NRG3: variants seen among roughly 807,000 people sequenced by gnomAD.
The protein encoded by NRG3 is neuregulin 3.
NRG3 carries 31 observed loss-of-function variants against 66.9 expected under a neutral mutation model. That is an observed-to-expected ratio of 0.46 (90% confidence interval 0.35 to 0.63). NRG3 has a LOEUF of 0.63. Among genes scored for constraint, NRG3 ranks in the 20% least tolerant of loss-of-function variants. NRG3 has a pLI of 0.00. For missense variants in NRG3, 910 were observed against 878.9 expected, an observed-to-expected ratio of 1.04 and a Z score of -0.45; for synonymous variants, 393 against 359.4, an observed-to-expected ratio of 1.09 and a Z score of -1.06.
intron 4 of NRG3, among the ~76,000 whole-genome samples, chr10:82,937,061 C>T (rs2132225274): frequency 6.6e-6 from 1 of 152,194 alleles, no homozygotes; most frequent in Non-Finnish European, 1.5e-5. Context: ...GACTCTGTAC[C>T]TGAAACTAAT....
At chr10:81,957,215 C>T (rs1424721431) in intron 1 of NRG3, among the ~76,000 whole-genome samples, 1 of 152,122 alleles carries the variant, frequency 6.6e-6, no homozygotes, top group Non-Finnish European at 1.5e-5. Flanking sequence ...TGTCCATCAA[C>T]CAGGAACGCC....
chr10:82,178,077 G>A (rs934938589), intron 1 of NRG3, among the ~76,000 whole-genome samples: 1 of 151,754 alleles, frequency 6.6e-6, no homozygotes, highest in African/African-American at 2.4e-5. Context: ...AATATGAGAA[G>A]ACTTTTAAAA....
intron 2 of NRG3, among the ~76,000 whole-genome samples, chr10:82,681,689 A>G (rs1379727333): frequency 6.6e-6 from 1 of 152,238 alleles, no homozygotes; most frequent in Non-Finnish European, 1.5e-5. Flanking sequence ...TTGCTATTTA[A>G]TGGTATGTTC....
intron 1 of NRG3, among the ~76,000 whole-genome samples, chr10:82,215,214 A>G (rs994596295): frequency 1.6e-4 from 25 of 152,370 alleles, no homozygotes; most frequent in African/African-American, 6.0e-4. Flanking sequence ...ATTTAATAAT[A>G]GGTCAGATGA....
At chr10:82,914,689 G>A (rs1429423022) in intron 4 of NRG3, among the ~76,000 whole-genome samples, 1 of 151,734 alleles carries the variant, frequency 6.6e-6, no homozygotes, top group Non-Finnish European at 1.5e-5. Flanking sequence ...TCTATGATGA[G>A]AGCTCAATCC....
At chr10:81,943,517 G>T (rs1848575458) in intron 1 of NRG3, among the ~76,000 whole-genome samples, 1 of 152,160 alleles carries the variant, frequency 6.6e-6, no homozygotes, top group Non-Finnish European at 1.5e-5. Flanking sequence ...GAGAGAAAAA[G>T]ATGAAATCTT....
chr10:82,130,567 A>T (rs1437352551), intron 1 of NRG3, among the ~76,000 whole-genome samples: 3 of 152,050 alleles, frequency 2.0e-5, no homozygotes, highest in Non-Finnish European at 4.4e-5. Context: ...TAGCAGTGGG[A>T]TTGGTGGATT....
At chr10:82,016,509 C>T (rs1393194020) in intron 1 of NRG3, among the ~76,000 whole-genome samples, 1 of 152,002 alleles carries the variant, frequency 6.6e-6, no homozygotes, top group Non-Finnish European at 1.5e-5. Context: ...TGAGGAAGGG[C>T]ATCATTTGTT....
At chr10:82,754,908 G>A (rs914833749) in intron 3 of NRG3, among the ~76,000 whole-genome samples, 20 of 152,106 alleles carry the variant, frequency 1.3e-4, no homozygotes, top group Non-Finnish European at 2.1e-4. Flanking sequence ...CCTGTGTATA[G>A]CCATAGACTA....
chr10:81,884,731 TG>T (rs752697323), intron 1 of NRG3, among the ~76,000 whole-genome samples: 2 of 152,162 alleles, frequency 1.3e-5, no homozygotes, highest in Non-Finnish European at 2.9e-5. Context: ...TTTGATATCC[TG>T]GGGGAGAGGA....
At chr10:81,906,857 G>T (rs144868109) in intron 1 of NRG3, among the ~76,000 whole-genome samples, 2 of 152,248 alleles carry the variant, frequency 1.3e-5, no homozygotes, top group East Asian at 3.9e-4. Context: ...CGGGTGTGAG[G>T]AGTTCTGATT....
intron 2 of NRG3, among the ~76,000 whole-genome samples, chr10:82,372,388 T>G (rs1354459249): frequency 6.6e-6 from 1 of 152,210 alleles, no homozygotes; most frequent in Non-Finnish European, 1.5e-5. Flanking sequence ...TTTAATTTCT[T>G]TCACTCAAGC....
intron 2 of NRG3, among the ~76,000 whole-genome samples, chr10:82,422,896 A>G (rs370388039): frequency 6.6e-6 from 1 of 152,028 alleles, no homozygotes; most frequent in Non-Finnish European, 1.5e-5. Flanking sequence ...TACATTGAGT[A>G]TATGCATTAT....
intron 2 of NRG3, among the ~76,000 whole-genome samples, chr10:82,448,672 G>A (rs997012575): frequency 1.3e-5 from 2 of 152,028 alleles, no homozygotes; most frequent in African/African-American, 4.8e-5. Flanking sequence ...TATCACCAAG[G>A]AGATTTCTTT....
rs549698834 is a variant in NRG3 at position 81,991,061 on chromosome 10, G to A, written c.823+114898G>A. ...TACATGGTACTTATTTATGCAAAAG[G>A]AAGGCACATCAGGTATGTCGTGACA... On this transcript the variant is annotated intron_variant, in intron 1 of 8. Coordinates refer to ENST00000372141, the MANE Select transcript of NRG3 (RefSeq NM_001010848.4). Among the ~76,000 whole-genome samples, 56 of 152,170 alleles carry A rather than the reference G, an allele frequency of 3.7e-4. No homozygotes were observed. In the South Asian group the frequency reaches 0.01, roughly 28 times the overall value.
intron 1 of NRG3, among the ~76,000 whole-genome samples, chr10:82,278,912 T>TA (rs2078991380): frequency 6.6e-6 from 1 of 152,164 alleles, no homozygotes; most frequent in Non-Finnish European, 1.5e-5. Flanking sequence ...TCCAGGCTTA[T>TA]CGCCCAGGTG....
intron 2 of NRG3, among the ~76,000 whole-genome samples, chr10:82,388,710 G>A (rs1175213791): frequency 6.6e-6 from 1 of 152,148 alleles, no homozygotes; most frequent in African/African-American, 2.4e-5. Flanking sequence ...TGATAGATAT[G>A]TAAGAATGAA....
At chr10:82,923,800 G>A (rs1323095121) in intron 4 of NRG3, among the ~76,000 whole-genome samples, 3 of 151,282 alleles carry the variant, frequency 2.0e-5, no homozygotes, top group African/African-American at 4.9e-5. Flanking sequence ...CCTTCTACCT[G>A]TGTGTGTGTG....
At chr10:82,698,093 T>C (rs1037380654) in intron 2 of NRG3, among the ~76,000 whole-genome samples, 4 of 152,146 alleles carry the variant, frequency 2.6e-5, no homozygotes, top group Admixed American at 2.0e-4. Context: ...TCTAATAACC[T>C]CCTAGATTTT....
Sources: gnomAD v4.1 joint callset for allele counts (sites outside exome capture counted in the v4.1 genomes callset) on GRCh38, gnomAD v4.1.1 for gene constraint, MANE v1.5 for transcripts, NCBI Gene and HGNC (gene_info 2026-07-23, HGNC 2026-07-21) for gene names.